The following DNAH17 variants were observed in gnomAD, a reference collection of about 807,000 sequenced individuals.
DNAH17 encodes axonemal beta dynein heavy chain 17.
DNAH17 carries 376 observed loss-of-function variants against 485.6 expected under a neutral mutation model. The observed-to-expected ratio is 0.77, with a 90% confidence interval of 0.71 to 0.84. DNAH17 has a LOEUF of 0.84. Ranked by LOEUF, DNAH17 falls within the 40% of genes least tolerant of loss-of-function variation. The probability of loss-of-function intolerance (pLI) is 0.00; values close to 1 mark genes in which losing one functional copy is unlikely to be tolerated. For synonymous variants in DNAH17, 3,031 were observed against 2,405.9 expected (o/e 1.26, Z -7.60); for missense variants, 6,370 against 5,839.3 (o/e 1.09, Z -2.96).
rs34701814 is a variant in DNAH17 at position 78,548,202 on chromosome 17, C to CTTTTTTTTTTTTTTTTTTTT, written c.2391+3332_2391+3333insAAAAAAAAAAAAAAAAAAAA. On this transcript the variant is annotated intron_variant, in intron 16 of 80. Transcript: ENST00000389840. ...GTTGTTATTTCGTAGATGTCATGGC[C>CTTTTTTTTTTTTTTTTTTTT]TTTTTTTTTTTTTTTTTTTGGAGAC... is the stretch of plus-strand genomic sequence containing the variant. 1.4e-4 allele frequency among the ~76,000 whole-genome samples: 11 copies of CTTTTTTTTTTTTTTTTTTTT among 80,102 alleles called. 1 individual carries two copies. Among genetic ancestry groups the CTTTTTTTTTTTTTTTTTTTT allele is most frequent in the African/African-American group, 4.8e-4 (9 of 18,704 alleles). 52.6% of individuals were successfully genotyped at this position (80,102 alleles called of 152,430 possible).
chr17:78,465,493 CT>C (rs2088383074), intron 56 of DNAH17, among the ~76,000 whole-genome samples: 1 of 75,406 alleles, frequency 1.3e-5, no homozygotes, highest in Admixed American at 1.7e-4. Flanking sequence ...AGGAACACCT[CT>C]TCCCGGCCGC....
At chr17:78,534,241 G>T (rs2091315185) in intron 19 of DNAH17, among the ~76,000 whole-genome samples, 1 of 152,222 alleles carries the variant, frequency 6.6e-6, no homozygotes, top group Non-Finnish European at 1.5e-5. Context: ...CATGACAGCT[G>T]CAGAGAGGCC....
chr17:78,478,422 TCATCACCAC>T (rs2089191081), intron 51 of DNAH17, among the ~76,000 whole-genome samples: 1 of 137,474 alleles, frequency 7.3e-6, no homozygotes, highest in Non-Finnish European at 1.5e-5. Context: ...ACTATCACCA[TCATCACCAC>T]CATCATTACC....
chr17:78,535,151 G>C (rs865973821), intron 19 of DNAH17, among the ~76,000 whole-genome samples: 5 of 152,186 alleles, frequency 3.3e-5, no homozygotes, highest in African/African-American at 1.2e-4. Flanking sequence ...GAGCCCAGGG[G>C]TGGAGCAGCT....
At chr17:78,453,799 C>G (rs2087660979) in intron 64 of DNAH17, among the ~76,000 whole-genome samples, 1 of 152,174 alleles carries the variant, frequency 6.6e-6, no homozygotes, top group South Asian at 2.1e-4. Context: ...GTGATCCTCC[C>G]ATCGCAGCCT....
intron 74 of DNAH17, among the ~76,000 whole-genome samples, chr17:78,435,732 C>T (rs1488130170): frequency 6.6e-6 from 1 of 152,212 alleles, no homozygotes; most frequent in Non-Finnish European, 1.5e-5. Context: ...CTCATACAGA[C>T]TGGCAGAAAC....
At chr17:78,436,044 T>C (rs376573845) in intron 74 of DNAH17, among the ~76,000 whole-genome samples, 133 of 152,356 alleles carry the variant, frequency 8.7e-4, no homozygotes, top group African/African-American at 2.9e-3. Flanking sequence ...TCCATATAAG[T>C]AGTTTTTAAA....
intron 6 of DNAH17, 74 bp from the exon 7 acceptor site, chr17:78,570,446 C>T (rs2092335601): frequency 3.3e-6 from 5 of 1,519,496 alleles, no homozygotes; most frequent in Admixed American, 4.1e-5. Flanking sequence ...CAGCCCTTCC[C>T]TTCCCATGGC....
chr17:78,449,344 C>A, intron 69 of DNAH17, 70 bp downstream of exon 69: 1 of 1,476,728 alleles, frequency 6.8e-7, no homozygotes, highest in Non-Finnish European at 9.1e-7. Flanking sequence ...TGCCTTTCCA[C>A]AAAGCTCCCA....
intron 19 of DNAH17, among the ~76,000 whole-genome samples, chr17:78,536,841 G>C (rs1224839815): frequency 1.3e-5 from 2 of 152,048 alleles, no homozygotes; most frequent in Non-Finnish European, 2.9e-5. Flanking sequence ...AGTGGGGAGA[G>C]AAGTGGCCAT....
rs2086214008 is a variant in DNAH17 at position 78,423,840 on chromosome 17, G to A, written c.*66C>T. Reference sequence around the variant, plus strand: ...AGTTCCTGTAAAGAATAAGTCACAGGTGCACAGGTGAAGGGCTGAGTTGTG... The same window carrying A: ...AGTTCCTGTAAAGAATAAGTCACAGATGCACAGGTGAAGGGCTGAGTTGTG... On this transcript the variant is annotated 3_prime_UTR_variant, in exon 81 of 81. Coordinates refer to ENST00000389840, the MANE Select transcript of DNAH17 (RefSeq NM_173628.4). The A allele has an allele frequency of 3.8e-6, 6 of 1,585,298 alleles. No individual in the cohort carries two copies. The highest frequency in any genetic ancestry group is 5.2e-6 in the Non-Finnish European group (6 of 1,160,830).
intron 13 of DNAH17, among the ~76,000 whole-genome samples, 194 bp downstream of exon 13, chr17:78,560,546 A>G (rs890121894): frequency 6.6e-6 from 1 of 152,104 alleles, no homozygotes; most frequent in Admixed American, 6.5e-5. Context: ...GAAGATACTC[A>G]TTGAAGCTAT....
At chr17:78,502,530 C>T in intron 33 of DNAH17, 61 bp downstream of exon 33, 1 of 1,470,554 alleles carries the variant, frequency 6.8e-7, no homozygotes, top group South Asian at 1.3e-5. Context: ...ATACACGGGC[C>T]CATGCACCTG....
intron 19 of DNAH17, among the ~76,000 whole-genome samples, chr17:78,535,293 C>A (rs1186828890): frequency 6.6e-6 from 1 of 152,224 alleles, no homozygotes; most frequent in Non-Finnish European, 1.5e-5. Context: ...ATTCTATTCT[C>A]AACTCTGGAA....
chr17:78,532,615 C>T lies in DNAH17; in HGVS notation c.2981G>A (p.Trp994Ter), dbSNP rs760120608. ...CATAAACTCCTGCAGGTTGTCCGTC[C>T]AGAGGTAGGAGTACCTCTCAAAGGA... ...QDSFERYSYL[W>*]TDNLQEFMKN... is the part of the protein sequence containing the mutation. The change falls in exon 20 of 81, where the codon TGG becomes TAG. Residue 994 changes from tryptophan to a stop codon, truncating the protein, a stop_gained. Coordinates refer to ENST00000389840, the MANE Select transcript of DNAH17 (RefSeq NM_173628.4). LOFTEE classifies it high-confidence loss of function. 3.7e-6 allele frequency: 6 copies of T among 1,605,866 alleles called. No homozygotes were observed. The South Asian group carries it at 5.6e-5, about 15-fold the overall frequency.
intron 69 of DNAH17, among the ~76,000 whole-genome samples, chr17:78,448,737 T>A (rs1250346393): frequency 6.6e-6 from 1 of 152,176 alleles, no homozygotes; most frequent in Non-Finnish European, 1.5e-5. Flanking sequence ...CTTAATGTCA[T>A]GATCAAGGGA....
chr17:78,475,350 C>T lies in DNAH17; in HGVS notation c.8439G>A (p.Leu2813=). 1 of 1,614,012 alleles carries T rather than the reference C, an allele frequency of 6.2e-7. No homozygotes were observed. Among genetic ancestry groups the T allele is most frequent in the Non-Finnish European group, 8.5e-7 (1 of 1,179,904 alleles). Residue 2813 remains leucine, a synonymous_variant, in exon 54 of 81, where the codon CTG becomes CTA. Coordinates refer to ENST00000389840, the MANE Select transcript of DNAH17 (RefSeq NM_173628.4). ...GGSGKQSLSR[L]AAYISGLDVF... ...CGTCAAGCCCGCTGATGTACGCTGCCAGGCGGGAGAGGCTCTGTTTGCCAC... is the reference window on the plus strand; with the variant it reads ...CGTCAAGCCCGCTGATGTACGCTGCTAGGCGGGAGAGGCTCTGTTTGCCAC...
At chr17:78,493,725 G>A (rs1168393881) in intron 41 of DNAH17, among the ~76,000 whole-genome samples, 1 of 152,230 alleles carries the variant, frequency 6.6e-6, no homozygotes, top group Admixed American at 6.5e-5. Context: ...GGTGACAGGA[G>A]GGCGATGGGT....
intron 65 of DNAH17, among the ~76,000 whole-genome samples, 192 bp from the exon 66 acceptor site, chr17:78,451,865 G>A (rs1276686751): frequency 2.6e-5 from 4 of 152,076 alleles, no homozygotes; most frequent in Admixed American, 2.6e-4. Flanking sequence ...GCCCTTCTGG[G>A]AGATGCACCT....
Sources: allele counts gnomAD v4.1 joint callset (sites outside exome capture counted in the v4.1 genomes callset), GRCh38; gene constraint gnomAD v4.1.1; transcripts MANE v1.5; gene names NCBI Gene and HGNC (gene_info 2026-07-23, HGNC 2026-07-21).